Variants in UNC5D observed in about 807,000 individuals in gnomAD.
The protein encoded by UNC5D is unc-5 netrin receptor D.
In UNC5D, 39 loss-of-function variants were observed where a neutral mutation model predicts 105.4. The ratio of observed to expected loss-of-function variants is 0.37; its 90% confidence interval spans 0.29 to 0.48. UNC5D has a LOEUF of 0.48. Ranked by LOEUF, UNC5D falls within the 20% of genes least tolerant of loss-of-function variation. The pLI is 0.98. For missense variants in UNC5D, 991 were observed against 1,202.4 expected (o/e 0.82, Z 2.60); for synonymous variants, 452 against 450.4 (o/e 1.00, Z -0.04).
chr8:35,756,551 T>TA (rs560731427), intron 13 of UNC5D, among the ~76,000 whole-genome samples: 2,409 of 122,926 alleles, frequency 0.02, 23 homozygotes, highest in African/African-American at 0.03. Flanking sequence ...CATGAGTCTT[T>TA]AAAAAAAAAA....
intron 1 of UNC5D, among the ~76,000 whole-genome samples, chr8:35,286,686 T>A (rs889014153): frequency 1.3e-5 from 2 of 152,136 alleles, no homozygotes; most frequent in African/African-American, 4.8e-5. Flanking sequence ...TGCAGGTCAG[T>A]GATTACCCAT....
At chr8:35,646,492 T>C (rs1051576523) in intron 4 of UNC5D, among the ~76,000 whole-genome samples, 2 of 152,102 alleles carry the variant, frequency 1.3e-5, no homozygotes, top group Middle Eastern at 3.2e-3. Flanking sequence ...AACCCAGTCC[T>C]GAAATACCCA....
At chr8:35,706,193 C>G (rs1033312304) in intron 8 of UNC5D, among the ~76,000 whole-genome samples, 1 of 152,172 alleles carries the variant, frequency 6.6e-6, no homozygotes, top group Admixed American at 6.5e-5. Context: ...TTCTTTCTGC[C>G]TATAAGTCCA....
intron 8 of UNC5D, among the ~76,000 whole-genome samples, chr8:35,717,133 A>G (rs1450936531): frequency 6.6e-6 from 1 of 152,178 alleles, no homozygotes; most frequent in Non-Finnish European, 1.5e-5. Context: ...CAGTTCAAGT[A>G]TGTTTGTTTT....
intron 1 of UNC5D, among the ~76,000 whole-genome samples, chr8:35,307,072 G>A (rs1207329272): frequency 6.6e-6 from 1 of 151,890 alleles, no homozygotes; most frequent in African/African-American, 2.4e-5. Flanking sequence ...ATTGTCTTGG[G>A]CCACACATGA....
chr8:35,304,736 G>T (rs1371462585), intron 1 of UNC5D, among the ~76,000 whole-genome samples: 1 of 152,098 alleles, frequency 6.6e-6, no homozygotes, highest in East Asian at 1.9e-4. Context: ...GATTATATGG[G>T]ATAAAATAAT....
chr8:35,487,594 C>CACA (rs1554542234), intron 1 of UNC5D, among the ~76,000 whole-genome samples: 15 of 146,852 alleles, frequency 1.0e-4, no homozygotes, highest in African/African-American at 3.3e-4. Flanking sequence ...CACACACACA[C>CACA]CCCACAGACT....
At chr8:35,316,888 T>C (rs1442113937) in intron 1 of UNC5D, among the ~76,000 whole-genome samples, 1 of 152,148 alleles carries the variant, frequency 6.6e-6, no homozygotes, top group Non-Finnish European at 1.5e-5. Flanking sequence ...AGAGGACATT[T>C]ATTTAATCGT....
chr8:35,392,352 T>C (rs1803828469), intron 1 of UNC5D, among the ~76,000 whole-genome samples: 1 of 152,134 alleles, frequency 6.6e-6, no homozygotes, highest in Admixed American at 6.5e-5. Flanking sequence ...GCTGGGACTA[T>C]GGGAGGTTGC....
chr8:35,285,462 T>C (rs1222946280), intron 1 of UNC5D, among the ~76,000 whole-genome samples: 1 of 152,208 alleles, frequency 6.6e-6, no homozygotes, highest in Non-Finnish European at 1.5e-5. Context: ...TAGTGTTCTA[T>C]GAATATGTGA....
At chr8:35,320,208 G>T (rs887522863) in intron 1 of UNC5D, among the ~76,000 whole-genome samples, 1 of 151,978 alleles carries the variant, frequency 6.6e-6, no homozygotes, top group African/African-American at 2.4e-5. Context: ...AATTCGAAGT[G>T]GGGGTGGGGG....
chr8:35,235,810 G>A lies in UNC5D; in HGVS notation c.26G>A (p.Gly9Asp). ...ATGGGGAGAGCGGCGGCCACCGCAG[G>A]CGGCGGCGGAGGGGCGCGCCGCTGG... MGRAAATA[G>D]GGGGARRWLP... Residue 9 changes from glycine to aspartate, a missense_variant, in exon 1 of 17, where the codon GGC becomes GAC. By Grantham distance (94) the Gly-to-Asp change is moderately conservative. Transcript: ENST00000404895. The A allele has an allele frequency of 8.1e-7, 1 of 1,229,954 alleles. No homozygotes were observed. The highest frequency in any genetic ancestry group is 1.0e-6 in the Non-Finnish European group (1 of 986,358). The allele number at this position is 1,229,954 out of a possible 1,614,324, so 76.2% of individuals were successfully genotyped here. A position where few individuals can be genotyped will look rare whatever the true frequency, so the allele number is the denominator to read the frequency against.
intron 1 of UNC5D, among the ~76,000 whole-genome samples, chr8:35,318,462 A>G (rs139803010): frequency 1.3e-5 from 2 of 152,216 alleles, no homozygotes; most frequent in Non-Finnish European, 1.5e-5. Flanking sequence ...AGCAGGCCTC[A>G]CTTTTTACTA....
At chr8:35,566,131 G>A (rs1305141244) in intron 2 of UNC5D, among the ~76,000 whole-genome samples, 1 of 152,170 alleles carries the variant, frequency 6.6e-6, no homozygotes, top group Non-Finnish European at 1.5e-5. Flanking sequence ...ACAAACAGGG[G>A]AAATGTGAGT....
chr8:35,481,962 T>C (rs1289344378), intron 1 of UNC5D, among the ~76,000 whole-genome samples: 2 of 152,190 alleles, frequency 1.3e-5, no homozygotes, highest in Non-Finnish European at 2.9e-5. Context: ...GGTGGGTATA[T>C]ATTAGAGAGT....
intron 1 of UNC5D, among the ~76,000 whole-genome samples, chr8:35,433,793 G>A (rs1806811694): frequency 1.3e-5 from 2 of 149,196 alleles, no homozygotes; most frequent in African/African-American, 5.0e-5. Flanking sequence ...AGGTTGCAGT[G>A]AGCCGAGATT....
chr8:35,265,530 T>C (rs545777956), intron 1 of UNC5D, among the ~76,000 whole-genome samples: 2 of 152,262 alleles, frequency 1.3e-5, no homozygotes, highest in East Asian at 3.9e-4. Context: ...CTGCAGGCTA[T>C]AGTTTGCTGA....
chr8:35,605,215 G>A (rs938963957), intron 4 of UNC5D, among the ~76,000 whole-genome samples: 5 of 152,004 alleles, frequency 3.3e-5, no homozygotes, highest in African/African-American at 1.2e-4. Flanking sequence ...TGTACAGATG[G>A]GTTTTTGGTG....
At chr8:35,573,622 A>G (rs1233452522) in intron 3 of UNC5D, among the ~76,000 whole-genome samples, 1 of 152,150 alleles carries the variant, frequency 6.6e-6, no homozygotes, top group Non-Finnish European at 1.5e-5. Context: ...CCATAATAGA[A>G]AAAAGTTCAT....
Sources: allele counts gnomAD v4.1 joint callset (sites outside exome capture counted in the v4.1 genomes callset), GRCh38; gene constraint gnomAD v4.1.1; transcripts MANE v1.5; gene names NCBI Gene and HGNC (gene_info 2026-07-23, HGNC 2026-07-21).